Variants in BBOF1 observed in about 807,000 individuals in gnomAD.
The protein encoded by BBOF1 is basal body-orientation factor 1.
A neutral mutation model predicts 68.0 loss-of-function variants in BBOF1; 62 were observed. The observed-to-expected ratio is 0.91, with a 90% CI of 0.74 to 1.13. The LOEUF is 1.13. Ranked by LOEUF, BBOF1 falls within the 50% of genes most tolerant of loss-of-function variation. The probability of loss-of-function intolerance (pLI) is 0.00; values close to 1 mark genes in which losing one functional copy is unlikely to be tolerated. For missense variants in BBOF1, 534 were observed against 600.1 expected, an observed-to-expected ratio of 0.89 and a Z score of 1.15; for synonymous variants, 208 against 198.8, an observed-to-expected ratio of 1.05 and a Z score of -0.39.
rs769594238 is a variant in BBOF1 at position 74,048,060 on chromosome 14, CT to C, written c.782del (p.Leu261TyrfsTer32). The C allele has an allele frequency of 2.5e-6, 4 of 1,609,796 alleles. No homozygotes were observed. The highest frequency in any genetic ancestry group is 3.4e-6 in the Non-Finnish European group (4 of 1,178,890). On this transcript the variant is annotated frameshift_variant, in exon 7 of 12. Transcript: ENST00000394009. LOFTEE classifies it high-confidence loss of function. The stretch of plus-strand genomic sequence containing the variant: ...GAAGTTGCAAGAGAGTCATACTTTA[CT>C]TTTACATCAAAAGGTTCCCTCTCAT... ...SQKLQESHTL[L>X]LHQKEINDLL...
intron 4 of BBOF1, among the ~76,000 whole-genome samples, chr14:74,035,313 G>C (rs756026105): frequency 6.6e-6 from 1 of 151,894 alleles, no homozygotes; most frequent in Non-Finnish European, 1.5e-5. Context: ...TCTATCTTAA[G>C]GCTTGATTGG....
chr14:74,071,273 T>A (rs2060545325), intron 9 of BBOF1: 3 of 1,614,212 alleles, frequency 1.9e-6, no homozygotes, highest in Non-Finnish European at 2.5e-6. Context: ...AGAAGCATAG[T>A]TGCTCCAGGG....
At position 74,057,132 on chromosome 14, in the gene BBOF1, T is replaced by C; in HGVS notation, c.1464-12T>C. 6.2e-7 allele frequency: 1 copy of C among 1,606,856 alleles called. No individual in the cohort carries two copies. The highest frequency in any genetic ancestry group is 8.5e-7 in the Non-Finnish European group (1 of 1,175,520). ...AGTTGTTGACGGTTCTGTTATTTTGTCATTATTGCAGGGATGAAAGTAAGC... is the reference window on the plus strand; with the variant it reads ...AGTTGTTGACGGTTCTGTTATTTTGCCATTATTGCAGGGATGAAAGTAAGC... On this transcript the variant is annotated splice_polypyrimidine_tract_variant and intron_variant, in intron 10 of 11. Transcript: ENST00000394009.
At chr14:74,051,847 G>T (rs552979057) in intron 8 of BBOF1, among the ~76,000 whole-genome samples, 1 of 151,740 alleles carries the variant, frequency 6.6e-6, no homozygotes, top group South Asian at 2.1e-4. Context: ...CTCACAAAGC[G>T]CTGGGATTAC....
chr14:74,038,322 A>T (rs1468789504), intron 4 of BBOF1, among the ~76,000 whole-genome samples: 1 of 152,200 alleles, frequency 6.6e-6, no homozygotes, highest in Non-Finnish European at 1.5e-5. Context: ...CTTTTCATGA[A>T]CTCTTAAAAT....
At chr14:74,079,618 G>C (rs538987572) in intron 10 of BBOF1, among the ~76,000 whole-genome samples, 3 of 151,998 alleles carry the variant, frequency 2.0e-5, no homozygotes, top group African/African-American at 7.2e-5. Flanking sequence ...ATTTTTAGTA[G>C]AGATGGGGTT....
chr14:74,060,737 A>T, intron 11 of BBOF1: 1 of 1,611,218 alleles, frequency 6.2e-7, no homozygotes, highest in East Asian at 2.2e-5. Flanking sequence ...TGAGTGTAGA[A>T]TTGGATGCCC....
intron 2 of BBOF1, among the ~76,000 whole-genome samples, chr14:74,025,280 T>G (rs1033546821): frequency 7.2e-5 from 11 of 152,134 alleles, no homozygotes; most frequent in African/African-American, 2.7e-4. Context: ...CCTCCTTATA[T>G]CAAAGGGCAG....
intron 4 of BBOF1, among the ~76,000 whole-genome samples, chr14:74,039,595 A>ATTTTTT (rs35078321): frequency 6.9e-6 from 1 of 145,052 alleles, no homozygotes; most frequent in Non-Finnish European, 1.5e-5. Context: ...CGCCTGGCTA[A>ATTTTTT]TTTTTTTTTT....
At chr14:74,079,053 T>C (rs964745759) in intron 10 of BBOF1, among the ~76,000 whole-genome samples, 1 of 151,814 alleles carries the variant, frequency 6.6e-6, no homozygotes, top group Non-Finnish European at 1.5e-5. Flanking sequence ...TTTTATCAAC[T>C]CTCATGGCTT....
At chr14:74,079,497 G>C (rs1174541032) in intron 10 of BBOF1, among the ~76,000 whole-genome samples, 1 of 149,980 alleles carries the variant, frequency 6.7e-6, no homozygotes, top group Non-Finnish European at 1.5e-5. Flanking sequence ...GCAGTTGCGC[G>C]ATCTTGGCTC....
At chr14:74,039,594 A>AG (rs1355774860) in intron 4 of BBOF1, among the ~76,000 whole-genome samples, 12 of 109,526 alleles carry the variant, frequency 1.1e-4, no homozygotes, top group African/African-American at 4.3e-4. Context: ...ACGCCTGGCT[A>AG]ATTTTTTTTT....
intron 3 of BBOF1, among the ~76,000 whole-genome samples, chr14:74,031,004 G>T (rs1000914705): frequency 2.0e-5 from 3 of 150,852 alleles, no homozygotes; most frequent in Non-Finnish European, 4.4e-5. Context: ...ATCTTTCTTA[G>T]ATAAAAGGTA....
At chr14:74,025,305 A>G (rs1485973625) in intron 2 of BBOF1, among the ~76,000 whole-genome samples, 1 of 152,208 alleles carries the variant, frequency 6.6e-6, no homozygotes, top group Admixed American at 6.5e-5. Context: ...TGGCAGTAAC[A>G]GGTGGGTAAT....
Position 74,065,171 on chromosome 14 carries a change from G to A in BBOF1, c.*472G>A. The A allele has an allele frequency of 6.2e-7, 1 of 1,613,894 alleles. No individual in the cohort carries two copies. Among genetic ancestry groups the A allele is most frequent in the Non-Finnish European group, 8.5e-7 (1 of 1,179,894 alleles). On this transcript the variant is annotated 3_prime_UTR_variant, in exon 12 of 12. Transcript: ENST00000394009. ...GATATAAGAATCTCTTAAAAATTCTGTTCACGAACCTGTCCAACATCCACC... is the reference window on the plus strand; with the variant it reads ...GATATAAGAATCTCTTAAAAATTCTATTCACGAACCTGTCCAACATCCACC...
intron 5 of BBOF1, chr14:74,040,856 G>A: frequency 1.9e-6 from 1 of 520,700 alleles, no homozygotes; most frequent in East Asian, 3.3e-5. Flanking sequence ...AGAGATTCTT[G>A]TCCTCTTCTG....
intron 11 of BBOF1, among the ~76,000 whole-genome samples, chr14:74,061,451 G>C (rs1289105665): frequency 6.6e-6 from 1 of 152,044 alleles, no homozygotes; most frequent in Non-Finnish European, 1.5e-5. Context: ...ACAAGTGTGT[G>C]CCACCATGCC....
chr14:74,055,716 A>C, intron 9 of BBOF1, 31 bp downstream of exon 9: 1 of 1,503,838 alleles, frequency 6.6e-7, no homozygotes, highest in Non-Finnish European at 9.2e-7. Context: ...TGAAATACCA[A>C]GTTGTTATCA....
intron 11 of BBOF1, chr14:74,059,910 T>C (rs1237334029): frequency 6.5e-6 from 1 of 153,404 alleles, no homozygotes; most frequent in Non-Finnish European, 1.5e-5. Context: ...GGAAACAAAG[T>C]GGCATTGAGC....
Sources: gnomAD v4.1 joint callset for allele counts (sites outside exome capture counted in the v4.1 genomes callset) on GRCh38, gnomAD v4.1.1 for gene constraint, MANE v1.5 for transcripts, NCBI Gene and HGNC (gene_info 2026-07-23, HGNC 2026-07-21) for gene names.